The following GLRA3 variants were observed in gnomAD, a reference collection of about 807,000 sequenced individuals.
GLRA3 encodes the protein glycine receptor alpha 3, also known as glycine receptor subunit alpha-3.
Under a neutral mutation model 60.4 loss-of-function variants are expected in GLRA3, and 44 were observed. The observed-to-expected ratio is 0.73, with a 90% CI of 0.57 to 0.94. The LOEUF (loss-of-function observed/expected upper bound fraction) is 0.94. GLRA3 is among the 40% of genes least tolerant of loss of function. The probability of loss-of-function intolerance (pLI) is 0.00; values close to 1 mark genes in which losing one functional copy is unlikely to be tolerated. For synonymous variants in GLRA3, 223 were observed against 192.9 expected (o/e 1.16, Z -1.29); for missense variants, 508 against 564.6 (o/e 0.90, Z 1.02).
At chr4:174,721,005 CTTTGTGTGTG>C (rs1250683300) in intron 4 of GLRA3, among the ~76,000 whole-genome samples, 3 of 100,182 alleles carry the variant, frequency 3.0e-5, no homozygotes, top group African/African-American at 1.2e-4. Context: ...ACTGTGTGAA[CTTTGTGTGTG>C]TGTGTGTGTG....
intron 2 of GLRA3, among the ~76,000 whole-genome samples, chr4:174,778,897 G>A (rs1236293202): frequency 6.6e-6 from 1 of 152,222 alleles, no homozygotes; most frequent in Non-Finnish European, 1.5e-5. Flanking sequence ...CTGGGGGAGG[G>A]GCGCCCGCCA....
In GLRA3 at chr4:174,786,118, A is replaced by G. The variant is rs138249987; in HGVS notation, c.199+2698T>C. Among the ~76,000 whole-genome samples the G allele has an allele frequency of 4.7e-3, 716 of 151,952 alleles. 1 individual carries two copies. Among genetic ancestry groups the G allele is most frequent in the Middle Eastern group, 0.01 (3 of 292 alleles). On this transcript the variant is annotated intron_variant, in intron 2 of 9. Coordinates refer to ENST00000274093, the MANE Select transcript of GLRA3 (RefSeq NM_006529.4). ...CATTTTTAAAATTTTAATATATATT[A>G]CTGATATTCATGTCTCTAAACTTGC...
intron 3 of GLRA3, among the ~76,000 whole-genome samples, chr4:174,762,739 A>G (rs1490139271): frequency 6.6e-6 from 1 of 152,158 alleles, no homozygotes; most frequent in Non-Finnish European, 1.5e-5. Flanking sequence ...TTTTGAATTA[A>G]GATATAACAG....
At chr4:174,656,853 A>G (rs559957568) in intron 8 of GLRA3, 66 bp from the exon 9 acceptor site, 2 of 875,576 alleles carry the variant, frequency 2.3e-6, no homozygotes, top group Admixed American at 3.5e-5. Flanking sequence ...ATATGATTAA[A>G]TATAATTACA....
At chr4:174,645,164 A>G (rs1158147631) in intron 9 of GLRA3, among the ~76,000 whole-genome samples, 1 of 152,174 alleles carries the variant, frequency 6.6e-6, no homozygotes, top group Non-Finnish European at 1.5e-5. Flanking sequence ...CTGTAACCCC[A>G]GCACTTTGGG....
At chr4:174,689,074 CT>C (rs1734678594) in intron 5 of GLRA3, among the ~76,000 whole-genome samples, 1 of 152,124 alleles carries the variant, frequency 6.6e-6, no homozygotes, top group Non-Finnish European at 1.5e-5. Context: ...TTAAAACTAA[CT>C]GGTTTATTTA....
chr4:174,655,880 A>G (rs1265413463), intron 9 of GLRA3, among the ~76,000 whole-genome samples: 1 of 152,140 alleles, frequency 6.6e-6, no homozygotes, highest in Non-Finnish European at 1.5e-5. Flanking sequence ...ACAATCTGTT[A>G]TGAGGTTGAG....
At chr4:174,728,326 A>G (rs1042225981) in intron 4 of GLRA3, 149 bp downstream of exon 4, 1 of 537,482 alleles carries the variant, frequency 1.9e-6, no homozygotes, top group Non-Finnish European at 3.3e-6. Flanking sequence ...TTGATCAGAC[A>G]TATTTGGGAA....
chr4:174,700,131 G>T (rs971902225), intron 5 of GLRA3, among the ~76,000 whole-genome samples: 1 of 152,158 alleles, frequency 6.6e-6, no homozygotes, highest in African/African-American at 2.4e-5. Context: ...GGTAGAAGAT[G>T]AAGTTTTAAT....
intron 5 of GLRA3, among the ~76,000 whole-genome samples, chr4:174,694,620 A>G (rs1216009903): frequency 2.6e-5 from 4 of 152,222 alleles, no homozygotes; most frequent in Non-Finnish European, 1.5e-5. Context: ...GTAAATGTCC[A>G]CATCAAAAAG....
At chr4:174,650,867 T>C (rs1461401546) in intron 9 of GLRA3, among the ~76,000 whole-genome samples, 2 of 152,202 alleles carry the variant, frequency 1.3e-5, no homozygotes, top group African/African-American at 4.8e-5. Context: ...AAGTCCCATA[T>C]GTGGTGAGAG....
At chr4:174,824,683 A>G (rs1395716559) in intron 1 of GLRA3, among the ~76,000 whole-genome samples, 2 of 152,134 alleles carry the variant, frequency 1.3e-5, no homozygotes, top group African/African-American at 4.8e-5. Flanking sequence ...TATTCTCTTT[A>G]TATATCATTT....
intron 3 of GLRA3, among the ~76,000 whole-genome samples, chr4:174,740,223 T>C (rs1736963031): frequency 1.3e-5 from 2 of 152,182 alleles, no homozygotes; most frequent in Non-Finnish European, 2.9e-5. Flanking sequence ...ATGTAAACAA[T>C]GTCACTAGAA....
chr4:174,756,754 C>G (rs1463457578), intron 3 of GLRA3, among the ~76,000 whole-genome samples: 2 of 151,790 alleles, frequency 1.3e-5, no homozygotes. Context: ...ACGCCATTCT[C>G]CTGCCTCAGC....
chr4:174,781,113 T>C (rs1738850227), intron 2 of GLRA3, among the ~76,000 whole-genome samples: 1 of 151,972 alleles, frequency 6.6e-6, no homozygotes, highest in South Asian at 2.1e-4. Context: ...TAACAAACTA[T>C]CTCTCAGACC....
chr4:174,689,960 TG>T (rs1416945618), intron 5 of GLRA3, among the ~76,000 whole-genome samples: 1 of 151,954 alleles, frequency 6.6e-6, no homozygotes, highest in Admixed American at 6.6e-5. Context: ...TGTCCATCAG[TG>T]GATGACTAGA....
intron 3 of GLRA3, 97 bp from the exon 4 acceptor site, chr4:174,728,795 T>G (rs1736429618): frequency 5.7e-6 from 4 of 701,326 alleles, no homozygotes; most frequent in Non-Finnish European, 9.5e-6. Flanking sequence ...GCTCATCAAC[T>G]GTAGAAAATA....
chr4:174,736,570 A>G (rs1736798041), intron 3 of GLRA3, among the ~76,000 whole-genome samples: 1 of 152,166 alleles, frequency 6.6e-6, no homozygotes, highest in African/African-American at 2.4e-5. Context: ...ATCACACTAT[A>G]CGTGACCTTT....
At chr4:174,749,653 TA>T (rs1208675920) in intron 3 of GLRA3, among the ~76,000 whole-genome samples, 3 of 151,982 alleles carry the variant, frequency 2.0e-5, no homozygotes, top group African/African-American at 7.3e-5. Context: ...ATTGGGGAGC[TA>T]AAAGAAAAAA....
Sources: allele counts gnomAD v4.1 joint callset (sites outside exome capture counted in the v4.1 genomes callset), GRCh38; gene constraint gnomAD v4.1.1; transcripts MANE v1.5; gene names NCBI Gene and HGNC (gene_info 2026-07-23, HGNC 2026-07-21).